The following TNFRSF10B variants were observed in gnomAD, a reference collection of about 807,000 sequenced individuals.
TNFRSF10B encodes the protein TNF receptor superfamily member 10b, also known as tumor necrosis factor receptor superfamily member 10B.
In TNFRSF10B, 35 loss-of-function variants were observed where a neutral mutation model predicts 41.4. The ratio of observed to expected loss-of-function variants is 0.85; its 90% CI spans 0.65 to 1.12. The LOEUF is 1.12. Among genes scored for constraint, TNFRSF10B ranks in the 50% most tolerant of loss-of-function variants. TNFRSF10B has a pLI of 0.00. For missense variants in TNFRSF10B, 584 were observed against 552.7 expected (o/e 1.06, Z -0.57); for synonymous variants, 230 against 215.5 (o/e 1.07, Z -0.59).
In TNFRSF10B at chr8:23,027,771, T is replaced by G. The variant is rs1811752907; in HGVS notation, c.749-18A>C. 6.2e-7 allele frequency: 1 copy of G among 1,613,704 alleles called. No individual in the cohort carries two copies. The highest frequency in any genetic ancestry group is 1.1e-5 in the South Asian group (1 of 91,058). On this transcript the variant is annotated intron_variant, in intron 5 of 8. Coordinates refer to ENST00000276431, the MANE Select transcript of TNFRSF10B (RefSeq NM_003842.5). ...ACCACCACCTAAAAAAGAAGCAGTC[T>G]CCTTAGCAGGAAGGGAGGGGCCCAT...
rs1024357920 is a variant in TNFRSF10B at position 23,060,285 on chromosome 8, C to T, written c.144+8466G>A. ...TCTATAGCTTTAGCACTTACATTTA[C>T]ATCTTTTATTTGTTTTTAGCTATTT... On this transcript the variant is annotated intron_variant, in intron 1 of 8. Coordinates refer to ENST00000276431, the MANE Select transcript of TNFRSF10B (RefSeq NM_003842.5). Among the ~76,000 whole-genome samples the T allele has an allele frequency of 4.6e-5, 7 of 152,178 alleles. No individual in the cohort carries two copies. The East Asian group carries it at 1.3e-3, about 29-fold the overall frequency.
At chr8:23,055,653 C>A (rs1812643292) in intron 1 of TNFRSF10B, among the ~76,000 whole-genome samples, 2 of 151,950 alleles carry the variant, frequency 1.3e-5, no homozygotes, top group African/African-American at 2.4e-5. Context: ...ATAACAGGAC[C>A]CATTTAGGAT....
intron 1 of TNFRSF10B, among the ~76,000 whole-genome samples, chr8:23,057,059 G>A (rs536357024): frequency 4.1e-5 from 6 of 147,196 alleles, no homozygotes; most frequent in East Asian, 3.9e-4. Flanking sequence ...TTTTTGAGAC[G>A]GAGTCTCACT....
At position 23,021,313 on chromosome 8, in the gene TNFRSF10B, G is replaced by C; in HGVS notation, c.*1358C>G. On this transcript the variant is annotated 3_prime_UTR_variant, in exon 9 of 9. Transcript: ENST00000276431. ...AGTCAGATGCTTACAGAGCGGCCAA[G>C]GTCCTCAAGTAGGCAATCTGTACCC... 2.2e-6 allele frequency: 1 copy of C among 454,122 alleles called. No homozygotes were observed. The highest frequency in any genetic ancestry group is 1.6e-5 in the South Asian group (1 of 64,472). The allele number at this position is 454,122 out of a possible 1,614,324, so 28.1% of individuals were successfully genotyped here.
At chr8:23,040,197 C>CTA (rs1336222000) in intron 2 of TNFRSF10B, among the ~76,000 whole-genome samples, 4 of 141,354 alleles carry the variant, frequency 2.8e-5, no homozygotes, top group Non-Finnish European at 4.6e-5. Flanking sequence ...ATATATATAT[C>CTA]TATATATATA....
rs1811824233 is a variant in TNFRSF10B at position 23,029,736 on chromosome 8, TA to T, written c.365-16del. 6.2e-7 allele frequency: 1 copy of T among 1,609,554 alleles called. No homozygotes were observed. Among genetic ancestry groups the T allele is most frequent in the Non-Finnish European group, 8.5e-7 (1 of 1,177,792 alleles). On this transcript the variant is annotated splice_polypyrimidine_tract_variant and intron_variant, in intron 3 of 8. Transcript: ENST00000276431. ...CTCCACTTCACCTGACGACAGAGCA[TA>T]AGGTTTTGGGAATGTGTTTTCCTGA...
At chr8:23,058,623 C>T (rs1812738075) in intron 1 of TNFRSF10B, among the ~76,000 whole-genome samples, 1 of 151,894 alleles carries the variant, frequency 6.6e-6, no homozygotes, top group Non-Finnish European at 1.5e-5. Context: ...GTAGCTGGGA[C>T]TACAGGCATG....
intron 1 of TNFRSF10B, among the ~76,000 whole-genome samples, chr8:23,044,991 G>A (rs2128816413): frequency 6.7e-6 from 1 of 148,720 alleles, no homozygotes; most frequent in Non-Finnish European, 1.5e-5. Flanking sequence ...CGAGACGGAT[G>A]GATCACTTGA....
At chr8:23,025,179 G>A (rs1216814754) in intron 7 of TNFRSF10B, among the ~76,000 whole-genome samples, 1 of 151,908 alleles carries the variant, frequency 6.6e-6, no homozygotes, top group Non-Finnish European at 1.5e-5. Context: ...AGTAGCAGCA[G>A]ACATAATAAA....
At chr8:23,049,562 A>G (rs1812461296) in intron 1 of TNFRSF10B, among the ~76,000 whole-genome samples, 1 of 152,216 alleles carries the variant, frequency 6.6e-6, no homozygotes, top group South Asian at 2.1e-4. Context: ...GACCTTAGTT[A>G]TAGATTCAAA....
At chr8:23,031,606 G>C (rs1272847966) in intron 2 of TNFRSF10B, among the ~76,000 whole-genome samples, 1 of 151,750 alleles carries the variant, frequency 6.6e-6, no homozygotes. Flanking sequence ...TGTTGCCTAG[G>C]CTGGTCTCAA....
intron 2 of TNFRSF10B, among the ~76,000 whole-genome samples, chr8:23,038,424 A>C (rs1022370394): frequency 6.6e-6 from 1 of 152,246 alleles, no homozygotes; most frequent in African/African-American, 2.4e-5. Flanking sequence ...AGCTATGGAA[A>C]TAAGGACTGT....
At chr8:23,052,568 G>C (rs1320935664) in intron 1 of TNFRSF10B, among the ~76,000 whole-genome samples, 4 of 151,844 alleles carry the variant, frequency 2.6e-5, no homozygotes, top group Non-Finnish European at 5.9e-5. Context: ...TTACACGCGT[G>C]AGCCACCACG....
intron 1 of TNFRSF10B, among the ~76,000 whole-genome samples, chr8:23,051,638 G>A (rs7826165): frequency 0.014 from 2,122 of 151,656 alleles, 16 homozygotes; most frequent in African/African-American, 0.018. Flanking sequence ...TCTGCCTCCC[G>A]GGTTCACGCC....
At chr8:23,024,149 C>T (rs1585204775) in intron 8 of TNFRSF10B, 39 bp downstream of exon 8, 1 of 1,613,174 alleles carries the variant, frequency 6.2e-7, no homozygotes, top group East Asian at 2.2e-5. Context: ...GTCCCTATTC[C>T]CTCCATTCCT....
rs762189839 is a variant in TNFRSF10B, at chr8:23,029,834, TG to T, written c.365-114del. 5.3e-5 allele frequency: 53 copies of T among 999,004 alleles called. No individual in the cohort carries two copies. In the South Asian group the frequency reaches 7.0e-4, roughly 13 times the overall value. 61.9% of individuals were successfully genotyped at this position (999,004 alleles called of 1,614,324 possible). ...CTCAACTCAGTTTGCCAAGGAGTTC[TG>T]AGGGCCAGTTTCTGCACCAGCACAC... On this transcript the variant is annotated intron_variant, in intron 3 of 8. Coordinates refer to ENST00000276431, the MANE Select transcript of TNFRSF10B (RefSeq NM_003842.5).
intron 2 of TNFRSF10B, among the ~76,000 whole-genome samples, chr8:23,040,463 A>G (rs1341402769): frequency 1.1e-5 from 1 of 89,362 alleles, no homozygotes; most frequent in African/African-American, 3.1e-5. Flanking sequence ...TTAAATATAT[A>G]TACACAAAAT....
chr8:23,068,524 T>C (rs577032602), intron 1 of TNFRSF10B: 12 of 632,718 alleles, frequency 1.9e-5, no homozygotes, highest in Admixed American at 1.8e-4. Context: ...GATTCGGGAA[T>C]TTACACCAAG....
At chr8:23,025,477 T>C (rs1265959024) in intron 7 of TNFRSF10B, among the ~76,000 whole-genome samples, 2 of 152,222 alleles carry the variant, frequency 1.3e-5, no homozygotes, top group Non-Finnish European at 2.9e-5. Context: ...TTCTAAATTA[T>C]AAGATGTGTA....
Sources: allele counts gnomAD v4.1 joint callset (sites outside exome capture counted in the v4.1 genomes callset), GRCh38; gene constraint gnomAD v4.1.1; transcripts MANE v1.5; gene names NCBI Gene and HGNC (gene_info 2026-07-23, HGNC 2026-07-21).